CUBN: variants seen among roughly 807,000 people sequenced by gnomAD.
CUBN encodes 460 kDa receptor.
Under a neutral mutation model 405.3 loss-of-function variants are expected in CUBN, and 282 were observed. The observed-to-expected ratio is 0.70, with a 90% confidence interval of 0.63 to 0.77. The LOEUF is 0.77. Ranked by LOEUF, CUBN falls within the 30% of genes least tolerant of loss-of-function variation. The pLI is 0.00. For synonymous variants in CUBN, 1,684 were observed against 1,617.0 expected, an observed-to-expected ratio of 1.04 and a Z score of -0.99; for missense variants, 4,514 against 4,475.2, an observed-to-expected ratio of 1.01 and a Z score of -0.25.
intron 19 of CUBN, among the ~76,000 whole-genome samples, chr10:17,069,532 G>A (rs12240694): frequency 0.027 from 4,152 of 152,072 alleles, 197 homozygotes; most frequent in African/African-American, 0.096. Flanking sequence ...CTATGGGTGT[G>A]TCCTTTTGTT....
chr10:16,840,196 G>A (rs574766376), intron 62 of CUBN, 134 bp downstream of exon 62: 185 of 736,284 alleles, frequency 2.5e-4, no homozygotes, highest in Middle Eastern at 2.2e-3. Flanking sequence ...CACATTGTGC[G>A]CATGTACCCT....
intron 2 of CUBN, 62 bp downstream of exon 2, chr10:17,129,059 G>C: frequency 7.4e-7 from 1 of 1,343,760 alleles, no homozygotes; most frequent in Non-Finnish European, 1.1e-6. Flanking sequence ...ATCTAGACTT[G>C]TTCAATTAAG....
chr10:16,937,521 G>A, intron 39 of CUBN, 71 bp downstream of exon 39: 2 of 1,327,236 alleles, frequency 1.5e-6, no homozygotes, highest in Non-Finnish European at 2.2e-6. Context: ...CCCCTGTTAT[G>A]ATAGGATCCT....
At chr10:17,045,645 A>G (rs560091278) in intron 24 of CUBN, among the ~76,000 whole-genome samples, 2 of 152,178 alleles carry the variant, frequency 1.3e-5, no homozygotes, top group African/African-American at 4.8e-5. Flanking sequence ...TCGGCCTCCC[A>G]AAGTGTTTGT....
chr10:17,087,472 C>CTTTTTTTTTTTTT (rs775573918), intron 15 of CUBN, among the ~76,000 whole-genome samples: 777 of 71,630 alleles, frequency 0.011, 28 homozygotes, highest in Middle Eastern at 0.017. Context: ...TTTTCTTTTT[C>CTTTTTTTTTTTTT]TTTTTTTTTT....
intron 19 of CUBN, 114 bp downstream of exon 19, chr10:17,071,312 A>G (rs1011941630): frequency 1.8e-5 from 19 of 1,059,992 alleles, no homozygotes; most frequent in East Asian, 7.8e-5. Context: ...TCCATAAGAC[A>G]TATTGGTCTA....
intron 31 of CUBN, among the ~76,000 whole-genome samples, chr10:16,963,992 G>A (rs1244113305): frequency 6.6e-6 from 1 of 152,228 alleles, no homozygotes; most frequent in Non-Finnish European, 1.5e-5. Context: ...ATAGGAGCAT[G>A]TGGGACTTCA....
Position 17,088,017 on chromosome 10 carries a change from CTT to C in CUBN, c.1947+145_1947+146del, listed in dbSNP as rs780453455. The stretch of plus-strand genomic sequence containing the variant: ...AAACAGGCACAGTTAAAAATAGAGA[CTT>C]TGCAAGAGTTAGATATTGACTGACT... On this transcript the variant is annotated intron_variant, in intron 15 of 66. Transcript: ENST00000377833. 8.3e-4 allele frequency: 545 copies of C among 652,986 alleles called. 1 individual carries two copies. The highest frequency in any genetic ancestry group is 1.3e-3 in the Non-Finnish European group (485 of 369,650). 40.4% of individuals were successfully genotyped at this position (652,986 alleles called of 1,614,324 possible).
intron 66 of CUBN, among the ~76,000 whole-genome samples, chr10:16,825,302 G>A (rs1476200028): frequency 6.6e-6 from 1 of 152,106 alleles, no homozygotes; most frequent in East Asian, 1.9e-4. Flanking sequence ...GGGAAGGACT[G>A]CAAATGGGTA....
In CUBN at chr10:16,906,636, G is replaced by A. The variant is rs139232608; in HGVS notation, c.7706-227C>T. On this transcript the variant is annotated intron_variant, in intron 49 of 66. Transcript: ENST00000377833. Reference sequence around the variant, plus strand: ...ACAACTTCTCTATTTTCCTGTTGCTGTAGATTAAGTGGTGGGCGTTTGGCT... The same window carrying A: ...ACAACTTCTCTATTTTCCTGTTGCTATAGATTAAGTGGTGGGCGTTTGGCT... Among the ~76,000 whole-genome samples, 13 of 152,302 alleles carry A rather than the reference G, an allele frequency of 8.5e-5. No homozygotes were observed. In the East Asian group the frequency reaches 1.9e-3, roughly 23 times the overall value.
chr10:16,962,800 C>A (rs1443441065), intron 31 of CUBN, among the ~76,000 whole-genome samples: 1 of 152,188 alleles, frequency 6.6e-6, no homozygotes, highest in African/African-American at 2.4e-5. Flanking sequence ...ACCCTGTGTA[C>A]ATTCACATGA....
chr10:16,881,549 T>TA (rs1213699879), intron 56 of CUBN, among the ~76,000 whole-genome samples: 3 of 152,176 alleles, frequency 2.0e-5, no homozygotes, highest in Non-Finnish European at 4.4e-5. Context: ...TAGATGGCAA[T>TA]AGAATATCAA....
chr10:16,996,690 T>C lies in CUBN; in HGVS notation c.4169-6175A>G, dbSNP rs145568328. ...GCTAAATGGAATCCAAGGCACAAAA[T>C]TTAAAAAGTAACTGCTGTATTGCCC... On this transcript the variant is annotated intron_variant, in intron 28 of 66. Coordinates refer to ENST00000377833, the MANE Select transcript of CUBN (RefSeq NM_001081.4). 2.3e-3 allele frequency among the ~76,000 whole-genome samples: 346 copies of C among 152,258 alleles called. 3 individuals are homozygous for C. Among genetic ancestry groups the C allele is most frequent in the African/African-American group, 7.6e-3 (317 of 41,536 alleles).
chr10:16,994,101 G>T (rs772156694), intron 28 of CUBN, among the ~76,000 whole-genome samples: 9 of 152,136 alleles, frequency 5.9e-5, no homozygotes, highest in Non-Finnish European at 4.4e-5. Flanking sequence ...CCTGCACGTT[G>T]TAATTCTGGT....
intron 40 of CUBN, among the ~76,000 whole-genome samples, chr10:16,929,001 G>A (rs201911558): frequency 6.8e-5 from 10 of 147,804 alleles, no homozygotes; most frequent in Non-Finnish European, 9.0e-5. Flanking sequence ...GTAGGTAAAA[G>A]AAAAAAAAAA....
At chr10:16,942,787 G>GGGAAGGGAAGGGAAGGGAAAA (rs925127766) in intron 36 of CUBN, among the ~76,000 whole-genome samples, 4 of 147,462 alleles carry the variant, frequency 2.7e-5, no homozygotes, top group Non-Finnish European at 6.0e-5. Flanking sequence ...AAAGGAAAAA[G>GGGAAGGGAAGGGAAGGGAAAA]GGAAGGGAAG....
intron 54 of CUBN, among the ~76,000 whole-genome samples, chr10:16,892,033 C>T (rs1052142381): frequency 4.6e-5 from 7 of 152,292 alleles, no homozygotes; most frequent in Admixed American, 1.3e-4. Context: ...CACATCTCTT[C>T]TCAAGGATAT....
chr10:16,910,033 C>A (rs1841676890), intron 48 of CUBN, among the ~76,000 whole-genome samples: 1 of 152,136 alleles, frequency 6.6e-6, no homozygotes, highest in Non-Finnish European at 1.5e-5. Flanking sequence ...CTTCTTTCTT[C>A]TTCACTCTTT....
intron 14 of CUBN, among the ~76,000 whole-genome samples, chr10:17,091,700 C>T (rs1041924700): frequency 6.6e-6 from 1 of 152,110 alleles, no homozygotes; most frequent in African/African-American, 2.4e-5. Context: ...ATGTTAACTT[C>T]ATAATAGAAA....
Sources: allele counts gnomAD v4.1 joint callset (sites outside exome capture counted in the v4.1 genomes callset), GRCh38; gene constraint gnomAD v4.1.1; transcripts MANE v1.5; gene names NCBI Gene and HGNC (gene_info 2026-07-23, HGNC 2026-07-21).